Variants in CSGALNACT1 observed in about 807,000 individuals in gnomAD.
CSGALNACT1 encodes the protein chondroitin sulfate N-acetylgalactosaminyltransferase 1.
A neutral mutation model predicts 51.0 loss-of-function variants in CSGALNACT1; 52 were observed. That is an observed-to-expected ratio of 1.02 (90% CI 0.82 to 1.29). The LOEUF is 1.29. Ranked by LOEUF, CSGALNACT1 falls within the 50% of genes most tolerant of loss-of-function variation. The probability of loss-of-function intolerance (pLI) is 0.00; values close to 1 mark genes in which losing one functional copy is unlikely to be tolerated. For synonymous variants in CSGALNACT1, 341 were observed against 254.4 expected, an observed-to-expected ratio of 1.34 and a Z score of -3.24; for missense variants, 935 against 679.2, an observed-to-expected ratio of 1.38 and a Z score of -4.19.
intron 6 of CSGALNACT1, among the ~76,000 whole-genome samples, chr8:19,435,960 T>C (rs1160111746): frequency 6.6e-6 from 1 of 152,190 alleles, no homozygotes; most frequent in Non-Finnish European, 1.5e-5. Context: ...TTCACTCTGA[T>C]ATTTTCTATC....
intron 1 of CSGALNACT1, among the ~76,000 whole-genome samples, chr8:19,659,581 C>G (rs183329939): frequency 3.9e-5 from 6 of 152,340 alleles, no homozygotes; most frequent in Admixed American, 3.3e-4. Context: ...TGAATTGAAT[C>G]TGCCTGGATC....
chr8:19,413,055 T>C (rs928319645), intron 8 of CSGALNACT1, among the ~76,000 whole-genome samples: 3 of 152,220 alleles, frequency 2.0e-5, no homozygotes, highest in Non-Finnish European at 2.9e-5. Flanking sequence ...TCCACAGCTT[T>C]AGAAGACTCA....
At chr8:19,449,337 G>A (rs898177573) in intron 5 of CSGALNACT1, among the ~76,000 whole-genome samples, 5 of 152,156 alleles carry the variant, frequency 3.3e-5, no homozygotes, top group Admixed American at 6.5e-5. Context: ...GTTGTACAAA[G>A]TGAAATGGCC....
intron 3 of CSGALNACT1, among the ~76,000 whole-genome samples, chr8:19,510,661 A>C (rs1180169231): frequency 1.3e-5 from 2 of 152,236 alleles, no homozygotes; most frequent in Admixed American, 1.3e-4. Context: ...TGTTAATGTC[A>C]TGTTCCCACC....
chr8:19,412,522 C>T (rs2153677868), intron 8 of CSGALNACT1, among the ~76,000 whole-genome samples: 1 of 152,298 alleles, frequency 6.6e-6, no homozygotes, highest in South Asian at 2.1e-4. Flanking sequence ...ATAGCAACTA[C>T]TCAGGCAGAG....
At chr8:19,451,785 T>C (rs1046225319) in intron 5 of CSGALNACT1, among the ~76,000 whole-genome samples, 1 of 152,168 alleles carries the variant, frequency 6.6e-6, no homozygotes, top group Non-Finnish European at 1.5e-5. Flanking sequence ...AATTAACAAA[T>C]TGATGCTGAT....
chr8:19,521,852 GC>G lies in CSGALNACT1; in HGVS notation c.-296-15723del, dbSNP rs544143711. 4.5e-4 allele frequency among the ~76,000 whole-genome samples: 68 copies of G among 152,342 alleles called. 1 individual carries two copies. Among genetic ancestry groups the G allele is most frequent in the African/African-American group, 1.5e-3 (61 of 41,576 alleles). On this transcript the variant is annotated intron_variant, in intron 3 of 9. Coordinates refer to ENST00000454498, the Ensembl canonical transcript of CSGALNACT1. ...AAGAGAGGGGGACTTTGAAAACAGA[GC>G]TCTGCTGGCATTCTTCAAATTACTG... is the stretch of plus-strand genomic sequence containing the variant.
intron 1 of CSGALNACT1, among the ~76,000 whole-genome samples, chr8:19,717,469 C>T (rs1235757980): frequency 3.3e-5 from 5 of 152,178 alleles, no homozygotes; most frequent in African/African-American, 1.2e-4. Context: ...AATTCACCAC[C>T]AAGCCTTGAG....
chr8:19,754,561 T>C (rs1228202534), intron 1 of CSGALNACT1, among the ~76,000 whole-genome samples: 3 of 152,228 alleles, frequency 2.0e-5, no homozygotes, highest in African/African-American at 2.4e-5. Flanking sequence ...TTAGGATATA[T>C]AAAATACAAA....
intron 1 of CSGALNACT1, among the ~76,000 whole-genome samples, chr8:19,633,963 G>A (rs1016847467): frequency 2.0e-5 from 3 of 152,112 alleles, no homozygotes; most frequent in South Asian, 2.1e-4. Flanking sequence ...CCGAGGGTTC[G>A]TGCCTTCCTA....
At chr8:19,741,560 CA>C (rs71545567) in intron 1 of CSGALNACT1, among the ~76,000 whole-genome samples, 7,557 of 108,674 alleles carry the variant, frequency 0.07, 685 homozygotes, top group African/African-American at 0.23. Flanking sequence ...GAGACTCCAT[CA>C]AAAAAAAAAA....
chr8:19,603,608 CT>C (rs1180171497), upstream of CSGALNACT1, among the ~76,000 whole-genome samples: 3 of 152,226 alleles, frequency 2.0e-5, no homozygotes, highest in Non-Finnish European at 4.4e-5. Context: ...ACTTCAGCGC[CT>C]GCAGGCCAAG....
chr8:19,649,358 G>C (rs774083339), intron 1 of CSGALNACT1, among the ~76,000 whole-genome samples: 4 of 152,118 alleles, frequency 2.6e-5, no homozygotes, highest in Non-Finnish European at 4.4e-5. Context: ...ATGGAAACCA[G>C]AAGATTTATT....
chr8:19,469,421 A>G (rs1749927636), intron 4 of CSGALNACT1, among the ~76,000 whole-genome samples: 1 of 152,088 alleles, frequency 6.6e-6, no homozygotes, highest in Non-Finnish European at 1.5e-5. Flanking sequence ...AAGAAAAAAG[A>G]AATAGCCCTC....
intron 4 of CSGALNACT1, among the ~76,000 whole-genome samples, chr8:19,488,739 TA>T (rs1294966642): frequency 3.3e-5 from 5 of 152,140 alleles, no homozygotes; most frequent in African/African-American, 1.2e-4. Flanking sequence ...ATATATAGTT[TA>T]TAACAACCCG....
intron 4 of CSGALNACT1, among the ~76,000 whole-genome samples, chr8:19,493,481 C>G (rs2074817520): frequency 6.6e-6 from 1 of 152,196 alleles, no homozygotes; most frequent in Admixed American, 6.5e-5. Flanking sequence ...CACAGTCACT[C>G]CCCATCTCCA....
At chr8:19,704,680 G>T (rs201211234) in intron 1 of CSGALNACT1, among the ~76,000 whole-genome samples, 1 of 151,190 alleles carries the variant, frequency 6.6e-6, no homozygotes, top group Admixed American at 6.6e-5. Context: ...ACCCATAGAC[G>T]GATGGATGGA....
intron 2 of CSGALNACT1, among the ~76,000 whole-genome samples, chr8:19,598,528 G>C (rs2049473712): frequency 6.6e-6 from 1 of 152,156 alleles, no homozygotes; most frequent in African/African-American, 2.4e-5. Context: ...TAGTACATTA[G>C]AGTTTTATAT....
In CSGALNACT1 at chr8:19,522,190, C is replaced by T. The variant is rs766673085; in HGVS notation, c.-296-16060G>A. On this transcript the variant is annotated intron_variant, in intron 3 of 9. Coordinates refer to ENST00000454498, the Ensembl canonical transcript of CSGALNACT1. ...GTGTGAGCTAAATTAAGGTCAAAAC[C>T]GTATTAGTGAGAGAAATGTGGCATG... Among the ~76,000 whole-genome samples, 28 of 151,968 alleles carry T rather than the reference C, an allele frequency of 1.8e-4. 1 individual carries two copies. Among genetic ancestry groups the T allele is most frequent in the Admixed American group, 4.6e-4 (7 of 15,244 alleles).
Sources: gnomAD v4.1 joint callset for allele counts (sites outside exome capture counted in the v4.1 genomes callset) on GRCh38, gnomAD v4.1.1 for gene constraint, MANE v1.5 for transcripts, NCBI Gene and HGNC (gene_info 2026-07-23, HGNC 2026-07-21) for gene names.